Variants in LRFN2 observed in about 807,000 individuals in gnomAD.
LRFN2 encodes the protein leucine rich repeat and fibronectin type III domain containing 2.
Under a neutral mutation model 37.3 loss-of-function variants are expected in LRFN2, and 18 were observed. That is an observed-to-expected ratio of 0.48 (90% CI 0.33 to 0.72). The LOEUF (loss-of-function observed/expected upper bound fraction) is 0.72. Ranked by LOEUF, LRFN2 falls within the 30% of genes least tolerant of loss-of-function variation. The pLI, the probability that LRFN2 is intolerant of heterozygous loss-of-function variation, is 0.02. For synonymous variants in LRFN2, 556 were observed against 466.6 expected (o/e 1.19, Z -2.47); for missense variants, 1,006 against 1,060.7 (o/e 0.95, Z 0.72).
chr6:40,486,800 A>T (rs1764969453), intron 1 of LRFN2, among the ~76,000 whole-genome samples: 1 of 152,106 alleles, frequency 6.6e-6, no homozygotes, highest in African/African-American at 2.4e-5. Flanking sequence ...GACAGATGAG[A>T]TTTGGTGTGG....
intron 1 of LRFN2, among the ~76,000 whole-genome samples, chr6:40,435,052 T>TATATATATATAGAG (rs1482968698): frequency 3.7e-4 from 14 of 37,540 alleles, no homozygotes; most frequent in East Asian, 8.7e-4. Flanking sequence ...TATATATATA[T>TATATATATATAGAG]AGAGAGAGAG....
chr6:40,580,117 G>A (rs568930248), intron 1 of LRFN2, among the ~76,000 whole-genome samples: 4 of 152,344 alleles, frequency 2.6e-5, no homozygotes, highest in African/African-American at 7.2e-5. Flanking sequence ...ATCCCATCAT[G>A]AGAAATGGCA....
rs563949323 is a variant in LRFN2, at chr6:40,469,002, G to A, written c.-18-35871C>T. 1.5e-3 allele frequency among the ~76,000 whole-genome samples: 232 copies of A among 152,226 alleles called. 2 individuals are homozygous for A. Among genetic ancestry groups the A allele is most frequent in the African/African-American group, 5.0e-3 (209 of 41,520 alleles). On this transcript the variant is annotated intron_variant, in intron 1 of 2. Coordinates refer to ENST00000338305, the MANE Select transcript of LRFN2 (RefSeq NM_020737.3). ...TCCTAATCCCTGAACCTGTGAATGT[G>A]TCCTTATCTAAAAAAAGGGTATTTC...
At chr6:40,453,919 CCTCTCCCTGT>C (rs1379187419) in intron 1 of LRFN2, among the ~76,000 whole-genome samples, 32 of 152,258 alleles carry the variant, frequency 2.1e-4, no homozygotes, top group Non-Finnish European at 4.4e-4. Flanking sequence ...CACCAGCTAG[CCTCTCCCTGT>C]CTCTCCCTGC....
chr6:40,579,765 T>C (rs1042996258), intron 1 of LRFN2, among the ~76,000 whole-genome samples: 1 of 152,130 alleles, frequency 6.6e-6, no homozygotes, highest in African/African-American at 2.4e-5. Context: ...AAATGATCAG[T>C]GAGACTGAGG....
chr6:40,583,727 G>A lies in LRFN2; in HGVS notation c.-19+3214C>T, dbSNP rs534428147. Among the ~76,000 whole-genome samples the A allele has an allele frequency of 7.9e-5, 12 of 152,088 alleles. No individual in the cohort carries two copies. The South Asian group carries it at 1.0e-3, about 13-fold the overall frequency. ...CTCTCAAATTGGATGTATCCCTCCC[G>A]CTACTACACAGATAGGACCCAGTTC... On this transcript the variant is annotated intron_variant, in intron 1 of 2. Coordinates refer to ENST00000338305, the MANE Select transcript of LRFN2 (RefSeq NM_020737.3).
chr6:40,460,696 T>C (rs532345101), intron 1 of LRFN2, among the ~76,000 whole-genome samples: 15 of 152,264 alleles, frequency 9.9e-5, no homozygotes, highest in African/African-American at 3.4e-4. Flanking sequence ...AGCTGGGTTA[T>C]AAATGAAGTA....
At chr6:40,514,789 C>T (rs1765813669) in intron 1 of LRFN2, among the ~76,000 whole-genome samples, 1 of 152,252 alleles carries the variant, frequency 6.6e-6, no homozygotes, top group African/African-American at 2.4e-5. Context: ...TCATTTCTCT[C>T]TCCCACCCTC....
intron 1 of LRFN2, among the ~76,000 whole-genome samples, chr6:40,478,039 G>C (rs1441055510): frequency 6.6e-6 from 1 of 152,182 alleles, no homozygotes; most frequent in Non-Finnish European, 1.5e-5. Flanking sequence ...CATGTGCAAA[G>C]TGGCAGCATC....
chr6:40,438,210 G>A (rs886882349), intron 1 of LRFN2, among the ~76,000 whole-genome samples: 2 of 151,424 alleles, frequency 1.3e-5, no homozygotes, highest in East Asian at 2.0e-4. Flanking sequence ...TCCCCAAACC[G>A]AACCTACACC....
intron 1 of LRFN2, among the ~76,000 whole-genome samples, chr6:40,435,042 T>G (rs1253430776): frequency 0.014 from 1,268 of 91,624 alleles, 11 homozygotes; most frequent in East Asian, 0.052. Flanking sequence ...TATATATATA[T>G]ATATATATAT....
rs960893543 is a variant in LRFN2, at chr6:40,516,780, G to A, written c.-19+70161C>T. Among the ~76,000 whole-genome samples the A allele has an allele frequency of 2.0e-5, 3 of 152,054 alleles. No individual in the cohort carries two copies. In the South Asian group the frequency reaches 6.2e-4, roughly 32 times the overall value. Reference sequence around the variant, plus strand: ...GGCCAGGAGCAGCCAAGGATGAGTGGGTCCCCATTCTGAGCCTTGCTTGCT... The same window carrying A: ...GGCCAGGAGCAGCCAAGGATGAGTGAGTCCCCATTCTGAGCCTTGCTTGCT... On this transcript the variant is annotated intron_variant, in intron 1 of 2. Transcript: ENST00000338305.
At position 40,452,941 on chromosome 6, in the gene LRFN2, G is replaced by A. The variant is rs867095010; in HGVS notation, c.-18-19810C>T. Among the ~76,000 whole-genome samples the A allele has an allele frequency of 3.3e-5, 5 of 152,184 alleles. No homozygotes were observed. The South Asian group carries it at 6.2e-4, about 19-fold the overall frequency. The stretch of plus-strand genomic sequence containing the variant: ...TCCAGCATATCACACTAGCCCCCTA[G>A]GGCAAGAGATTTGGTTGTAGCCTCC... On this transcript the variant is annotated intron_variant, in intron 1 of 2. Coordinates refer to ENST00000338305, the MANE Select transcript of LRFN2 (RefSeq NM_020737.3).
At position 40,575,342 on chromosome 6, in the gene LRFN2, G is replaced by A. The variant is rs547715260; in HGVS notation, c.-19+11599C>T. On this transcript the variant is annotated intron_variant, in intron 1 of 2. Coordinates refer to ENST00000338305, the MANE Select transcript of LRFN2 (RefSeq NM_020737.3). The stretch of plus-strand genomic sequence containing the variant: ...AAGCAGCTTTGCCTCTTAAACAAAG[G>A]GCAAGGGAACACACAAAGGCAGTCC... Among the ~76,000 whole-genome samples the A allele has an allele frequency of 2.6e-5, 4 of 152,252 alleles. No individual in the cohort carries two copies. In the East Asian group the frequency reaches 7.7e-4, roughly 29 times the overall value.
intron 1 of LRFN2, among the ~76,000 whole-genome samples, chr6:40,484,236 G>A (rs1764899659): frequency 6.6e-6 from 1 of 152,226 alleles, no homozygotes; most frequent in African/African-American, 2.4e-5. Context: ...TGACACGGAT[G>A]GAGTGTGGTG....
At chr6:40,553,992 CCT>C (rs1164517095) in intron 1 of LRFN2, among the ~76,000 whole-genome samples, 2 of 151,992 alleles carry the variant, frequency 1.3e-5, no homozygotes, top group Non-Finnish European at 2.9e-5. Context: ...GTTTCAGGTG[CCT>C]CTCTCTCTCA....
At chr6:40,555,906 T>A (rs663182) in intron 1 of LRFN2, among the ~76,000 whole-genome samples, 22 of 152,204 alleles carry the variant, frequency 1.4e-4, no homozygotes, top group African/African-American at 5.3e-4. Context: ...AGTGACTGTT[T>A]TACTGTACTA....
intron 1 of LRFN2, among the ~76,000 whole-genome samples, chr6:40,565,733 T>C (rs1283313985): frequency 1.3e-5 from 2 of 151,342 alleles, no homozygotes; most frequent in South Asian, 2.1e-4. Flanking sequence ...CAAAAATTAA[T>C]TCAACATGGA....
At chr6:40,434,482 C>CTTT (rs112476329) in intron 1 of LRFN2, among the ~76,000 whole-genome samples, 2 of 141,696 alleles carry the variant, frequency 1.4e-5, no homozygotes, top group African/African-American at 2.6e-5. Context: ...CTTTTTTTTT[C>CTTT]TTTTTTTTTT....
Sources: gnomAD v4.1 joint callset for allele counts (sites outside exome capture counted in the v4.1 genomes callset) on GRCh38, gnomAD v4.1.1 for gene constraint, MANE v1.5 for transcripts, NCBI Gene and HGNC (gene_info 2026-07-23, HGNC 2026-07-21) for gene names.